The following ADPRHL1 variants were observed in gnomAD, a reference collection of about 807,000 sequenced individuals.
ADPRHL1 encodes ADP-ribosylhydrolase like 1.
A neutral mutation model predicts 44.1 loss-of-function variants in ADPRHL1; 43 were observed. The observed-to-expected ratio is 0.98, with a 90% CI of 0.76 to 1.26. The LOEUF (loss-of-function observed/expected upper bound fraction) is 1.26, where lower values mean the gene tolerates loss of function less well. Among genes scored for constraint, ADPRHL1 ranks in the 50% most tolerant of loss-of-function variants. The pLI is 0.00. For synonymous variants in ADPRHL1, 878 were observed against 1,017.4 expected, an observed-to-expected ratio of 0.86 and a Z score of 2.61; for missense variants, 2,022 against 2,496.9, an observed-to-expected ratio of 0.81 and a Z score of 4.05.
chr13:113,425,667 C>T (rs532643661), intron 4 of ADPRHL1, among the ~76,000 whole-genome samples: 3 of 149,626 alleles, frequency 2.0e-5, no homozygotes, highest in East Asian at 4.0e-4. Context: ...CCACCATGCC[C>T]GGCCTCTTTT....
At chr13:113,448,606 G>C (rs2044158470) in intron 1 of ADPRHL1, among the ~76,000 whole-genome samples, 1 of 151,982 alleles carries the variant, frequency 6.6e-6, no homozygotes, top group Admixed American at 6.6e-5. Context: ...ATGAGCTGAA[G>C]TGCCACTCCC....
At chr13:113,410,482 C>A (rs564797181) in intron 7 of ADPRHL1, among the ~76,000 whole-genome samples, 2 of 152,298 alleles carry the variant, frequency 1.3e-5, no homozygotes, top group Admixed American at 1.3e-4. Flanking sequence ...GACATTTACA[C>A]GAAAACTAAA....
intron 1 of ADPRHL1, among the ~76,000 whole-genome samples, chr13:113,448,121 G>A (rs1016224300): frequency 4.6e-5 from 7 of 152,042 alleles, no homozygotes; most frequent in Non-Finnish European, 7.4e-5. Context: ...GCTTCTCCCC[G>A]GGTCTCTTTC....
In ADPRHL1 at chr13:113,441,908, T is replaced by A. The variant is rs765177029; in HGVS notation, c.379+2517A>T. On this transcript the variant is annotated intron_variant, in intron 2 of 7. Transcript: ENST00000612156. This position sits in a 1 kb window ranked among gnomAD's most constrained non-coding sequence, Gnocchi z 6.0. Reference sequence around the variant, plus strand: ...CCCTGTGTGTGAGTCTGTGTCTCTATCACGCTTTACTCCACCGTGCTGGTC... The same window carrying A: ...CCCTGTGTGTGAGTCTGTGTCTCTAACACGCTTTACTCCACCGTGCTGGTC... Among the ~76,000 whole-genome samples, 1 of 152,230 alleles carries A rather than the reference T, an allele frequency of 6.6e-6. No homozygotes were observed. The highest frequency in any genetic ancestry group is 2.1e-4 in the South Asian group (1 of 4,826).
At chr13:113,442,430 C>A (rs1397480825) in intron 2 of ADPRHL1, among the ~76,000 whole-genome samples, 1 of 152,260 alleles carries the variant, frequency 6.6e-6, no homozygotes, top group Non-Finnish European at 1.5e-5. Context: ...CACTGTGCTC[C>A]AGCCTGGGTG....
chr13:113,447,510 TTG>T (rs2044150706), intron 1 of ADPRHL1, among the ~76,000 whole-genome samples: 1 of 151,916 alleles, frequency 6.6e-6, no homozygotes, highest in Admixed American at 6.6e-5. Context: ...ACTCATGGTG[TTG>T]TGTGTGCATG....
At chr13:113,426,441 G>T (rs1372215181) in intron 4 of ADPRHL1, among the ~76,000 whole-genome samples, 1 of 152,254 alleles carries the variant, frequency 6.6e-6, no homozygotes, top group African/African-American at 2.4e-5. Flanking sequence ...GATCCTGTCT[G>T]CCTGGCCGTG....
At chr13:113,444,200 C>T (rs1050252380) in intron 2 of ADPRHL1, among the ~76,000 whole-genome samples, 1 of 150,332 alleles carries the variant, frequency 6.7e-6, no homozygotes, top group African/African-American at 2.4e-5. Flanking sequence ...CAGATGCCCG[C>T]GCTTGCCGGG....
chr13:113,424,720 T>TCA, intron 5 of ADPRHL1, among the ~76,000 whole-genome samples: 1 of 63,900 alleles, frequency 1.6e-5, no homozygotes, highest in Non-Finnish European at 3.1e-5. Context: ...ACCCACACAT[T>TCA]TACCTACCCA....
At chr13:113,431,322 T>C (rs374434200) in intron 3 of ADPRHL1, among the ~76,000 whole-genome samples, 250 of 152,350 alleles carry the variant, frequency 1.6e-3, no homozygotes, top group African/African-American at 5.7e-3. Context: ...TGACACGCCA[T>C]GCGGAGACAG....
chr13:113,430,931 G>A (rs892086532), intron 3 of ADPRHL1, among the ~76,000 whole-genome samples: 87 of 152,348 alleles, frequency 5.7e-4, no homozygotes, highest in Non-Finnish European at 3.5e-4. Context: ...CTCCCAGGGT[G>A]TCATCTGCCA....
chr13:113,416,195 C>T (rs2043886692), intron 7 of ADPRHL1, among the ~76,000 whole-genome samples: 1 of 151,860 alleles, frequency 6.6e-6, no homozygotes, highest in African/African-American at 2.4e-5. Flanking sequence ...TCAGACTGTA[C>T]TAATGAATCA....
Position 113,450,959 on chromosome 13 carries a change from C to G in ADPRHL1, c.214+2265G>C, listed in dbSNP as rs867345879. 6.7e-4 allele frequency among the ~76,000 whole-genome samples: 101 copies of G among 151,716 alleles called. 1 individual carries two copies. Among genetic ancestry groups the G allele is most frequent in the African/African-American group, 2.4e-3 (99 of 41,114 alleles). Reference sequence around the variant, plus strand: ...TCCCCTGGGGAAAGGGAGACCCCCCCCCCCTTCCTGGTCTGCTAAGTAGCA... The same window carrying G: ...TCCCCTGGGGAAAGGGAGACCCCCCGCCCCTTCCTGGTCTGCTAAGTAGCA... On this transcript the variant is annotated intron_variant, in intron 1 of 7. Coordinates refer to ENST00000612156, the MANE Select transcript of ADPRHL1 (RefSeq NM_001394807.1).
chr13:113,452,195 G>A (rs1395489765), intron 1 of ADPRHL1, among the ~76,000 whole-genome samples: 1 of 152,212 alleles, frequency 6.6e-6, no homozygotes, highest in East Asian at 1.9e-4. Flanking sequence ...AAGGGCACAC[G>A]AGTGGCCGCC....
At chr13:113,439,647 C>T (rs2044084586) in intron 2 of ADPRHL1, among the ~76,000 whole-genome samples, 1 of 151,814 alleles carries the variant, frequency 6.6e-6, no homozygotes, top group African/African-American at 2.4e-5. Context: ...AGGGTTTTGC[C>T]ATGTTGGCCA....
intron 7 of ADPRHL1, among the ~76,000 whole-genome samples, chr13:113,419,618 A>G (rs535187997): frequency 4.3e-4 from 66 of 152,318 alleles, no homozygotes; most frequent in African/African-American, 1.5e-3. Flanking sequence ...GGAAGTCGCC[A>G]TAAGAGCAGG....
intron 1 of ADPRHL1, among the ~76,000 whole-genome samples, chr13:113,450,065 G>A (rs972262618): frequency 6.6e-6 from 1 of 152,244 alleles, no homozygotes; most frequent in Non-Finnish European, 1.5e-5. Context: ...TGGTACAGAA[G>A]TGCTGTGGAG....
At chr13:113,440,817 G>A (rs578080535) in intron 2 of ADPRHL1, among the ~76,000 whole-genome samples, 1 of 152,198 alleles carries the variant, frequency 6.6e-6, no homozygotes, top group African/African-American at 2.4e-5. Context: ...TTACTGAAGT[G>A]CAACAGGAGA....
chr13:113,407,801 C>G lies in ADPRHL1; in HGVS notation c.1481G>C (p.Gly494Ala), dbSNP rs1595536602. 8.1e-7 allele frequency: 1 copy of G among 1,232,020 alleles called. No homozygotes were observed. Among genetic ancestry groups the G allele is most frequent in the East Asian group, 3.2e-5 (1 of 31,706 alleles). The allele number at this position is 1,232,020 out of a possible 1,614,324, so 76.3% of individuals were successfully genotyped here. A position where few individuals can be genotyped will look rare whatever the true frequency, so the allele number is the denominator to read the frequency against. The change falls in exon 8 of 8, where the codon GGC becomes GCC. Residue 494 changes from glycine (G) to alanine (A), a missense_variant. Physicochemically the swap from Gly to Ala is moderately conservative, Grantham distance 60. Transcript: ENST00000612156. ...CACGGTGCTCTTCCCGGCCGGGTGGCCCCAGCGGGGCTTCTCGCTGAGGCA... is the reference window on the plus strand; with the variant it reads ...CACGGTGCTCTTCCCGGCCGGGTGGGCCCAGCGGGGCTTCTCGCTGAGGCA... ...KPCLSEKPRW[G>A]HPAGKSTVKN...
Sources: allele counts gnomAD v4.1 joint callset (sites outside exome capture counted in the v4.1 genomes callset), GRCh38; gene constraint gnomAD v4.1.1; non-coding constraint Gnocchi (gnomAD v3.1); transcripts MANE v1.5; gene names NCBI Gene and HGNC (gene_info 2026-07-23, HGNC 2026-07-21).